ZCWPW2: variants seen among roughly 807,000 people sequenced by gnomAD.
The protein encoded by ZCWPW2 is zinc finger CW-type PWWP domain protein 2.
ZCWPW2 carries 45 observed loss-of-function variants against 46.6 expected under a neutral mutation model. That is an observed-to-expected ratio of 0.96 (90% CI 0.76 to 1.24). ZCWPW2 has a LOEUF of 1.24. ZCWPW2 is among the 50% of genes most tolerant of loss of function. The pLI is 0.00. For missense variants in ZCWPW2, 429 were observed against 403.9 expected (o/e 1.06, Z -0.53); for synonymous variants, 152 against 137.1 (o/e 1.11, Z -0.76).
At chr3:28,417,195 C>A (rs2125744574) in intron 3 of ZCWPW2, among the ~76,000 whole-genome samples, 1 of 151,934 alleles carries the variant, frequency 6.6e-6, no homozygotes, top group East Asian at 1.9e-4. Flanking sequence ...CACCACTGAT[C>A]CCACAGAAAT....
intron 4 of ZCWPW2, among the ~76,000 whole-genome samples, chr3:28,459,263 A>G (rs1698538236): frequency 1.3e-5 from 2 of 152,058 alleles, no homozygotes; most frequent in African/African-American, 4.8e-5. Flanking sequence ...CCAGCTACTC[A>G]GGAGGCTGAG....
chr3:28,430,388 A>G lies in ZCWPW2; in HGVS notation c.333-4722A>G, dbSNP rs534872792. On this transcript the variant is annotated intron_variant, in intron 3 of 9. Coordinates refer to ENST00000383768, the MANE Select transcript of ZCWPW2 (RefSeq NM_001040432.4). Reference sequence around the variant, plus strand: ...TTTCTTATTTGGAATGAGTGTATTTACACAATGCCTTGTACTCACATGGTA... The same window carrying G: ...TTTCTTATTTGGAATGAGTGTATTTGCACAATGCCTTGTACTCACATGGTA... Among the ~76,000 whole-genome samples, 18 of 152,332 alleles carry G rather than the reference A, an allele frequency of 1.2e-4. 1 individual carries two copies. The South Asian group carries it at 3.7e-3, about 32-fold the overall frequency.
chr3:28,426,163 G>A (rs1025993657), intron 3 of ZCWPW2, among the ~76,000 whole-genome samples: 19 of 151,326 alleles, frequency 1.3e-4, no homozygotes, highest in African/African-American at 3.4e-4. Context: ...TTGCCTTTGC[G>A]TTTTACCTTT....
chr3:28,514,017 A>G, intron 6 of ZCWPW2, 47 bp from the exon 7 acceptor site: 1 of 1,424,124 alleles, frequency 7.0e-7, no homozygotes, highest in Non-Finnish European at 9.5e-7. Context: ...TACTGAGCTG[A>G]TTTAGTCCTA....
rs148360791 is a variant in ZCWPW2 at position 28,420,865 on chromosome 3, A to G, written c.332+7465A>G. 2.5e-3 allele frequency among the ~76,000 whole-genome samples: 387 copies of G among 151,940 alleles called. 1 individual carries two copies. Among genetic ancestry groups the G allele is most frequent in the African/African-American group, 8.5e-3 (351 of 41,456 alleles). ...TTCTCTCTGTTGTTCAGATTGGTTTATTCCTATTGTTCTCTTTTTAAGTTC... is the reference window on the plus strand; with the variant it reads ...TTCTCTCTGTTGTTCAGATTGGTTTGTTCCTATTGTTCTCTTTTTAAGTTC... On this transcript the variant is annotated intron_variant, in intron 3 of 9. Coordinates refer to ENST00000383768, the MANE Select transcript of ZCWPW2 (RefSeq NM_001040432.4).
chr3:28,443,430 T>G (rs1697849767), intron 4 of ZCWPW2, among the ~76,000 whole-genome samples: 1 of 151,928 alleles, frequency 6.6e-6, no homozygotes, highest in African/African-American at 2.4e-5. Context: ...ATTGAGGGGG[T>G]GTGGTTCTCT....
chr3:28,404,706 A>G (rs1176448552), intron 2 of ZCWPW2, among the ~76,000 whole-genome samples: 1 of 152,238 alleles, frequency 6.6e-6, no homozygotes, highest in Non-Finnish European at 1.5e-5. Context: ...GCCATTAAAA[A>G]GAATGAATTA....
intron 2 of ZCWPW2, among the ~76,000 whole-genome samples, chr3:28,400,971 A>T (rs1394420731): frequency 6.6e-6 from 1 of 152,150 alleles, no homozygotes. Context: ...CGAGGTCAGG[A>T]GATCAAGACC....
At chr3:28,421,829 ATAGTT>A (rs1298985322) in intron 3 of ZCWPW2, among the ~76,000 whole-genome samples, 2 of 110,502 alleles carry the variant, frequency 1.8e-5, no homozygotes, top group African/African-American at 6.8e-5. Context: ...ATGTTGGAGA[ATAGTT>A]TGTGTGTGTG....
intron 1 of ZCWPW2, among the ~76,000 whole-genome samples, chr3:28,359,528 GA>G (rs1329954779): frequency 6.6e-6 from 1 of 152,040 alleles, no homozygotes; most frequent in Non-Finnish European, 1.5e-5. Context: ...AAGGCCTAGA[GA>G]AAAATATGTA....
chr3:28,392,411 A>G (rs564855031), intron 2 of ZCWPW2, among the ~76,000 whole-genome samples: 35 of 152,340 alleles, frequency 2.3e-4, no homozygotes, highest in African/African-American at 7.7e-4. Flanking sequence ...GAGATCATTC[A>G]GACAGAAATC....
intron 8 of ZCWPW2, among the ~76,000 whole-genome samples, chr3:28,518,029 G>A (rs1575232523): frequency 6.6e-6 from 1 of 151,596 alleles, no homozygotes; most frequent in Non-Finnish European, 1.5e-5. Context: ...CCAGCTACTT[G>A]GGAGGCTGAG....
At chr3:28,424,228 AACAC>A (rs55725925) in intron 3 of ZCWPW2, among the ~76,000 whole-genome samples, 17,116 of 138,806 alleles carry the variant, frequency 0.12, 1,350 homozygotes, top group East Asian at 0.42. Flanking sequence ...GTCTTATTCC[AACAC>A]ACACACACAC....
chr3:28,499,999 T>G (rs917628857), intron 6 of ZCWPW2, among the ~76,000 whole-genome samples: 10 of 152,124 alleles, frequency 6.6e-5, no homozygotes, highest in African/African-American at 2.4e-4. Context: ...CTTTTATTAA[T>G]ATAAAATATG....
At position 28,441,203 on chromosome 3, in the gene ZCWPW2, G is replaced by A. The variant is rs143194323; in HGVS notation, c.492+5934G>A. On this transcript the variant is annotated intron_variant, in intron 4 of 9. Transcript: ENST00000383768. ...CCTTCTTTTCTGGCGTCACCTATTG[G>A]TGAGCACTCACATGGGATACAAATA... 8.5e-5 allele frequency among the ~76,000 whole-genome samples: 13 copies of A among 152,282 alleles called. No individual in the cohort carries two copies. In the East Asian group the frequency reaches 1.7e-3, roughly 20 times the overall value.
intron 4 of ZCWPW2, among the ~76,000 whole-genome samples, chr3:28,443,453 C>A (rs1697850395): frequency 6.6e-6 from 1 of 152,092 alleles, no homozygotes; most frequent in African/African-American, 2.4e-5. Flanking sequence ...TTTTCTAATT[C>A]AAATTAGTCT....
intron 2 of ZCWPW2, among the ~76,000 whole-genome samples, chr3:28,399,083 G>A (rs1228034440): frequency 1.3e-5 from 2 of 152,176 alleles, no homozygotes; most frequent in Non-Finnish European, 2.9e-5. Context: ...AACAGACTTG[G>A]TGATGTTGCT....
intron 4 of ZCWPW2, among the ~76,000 whole-genome samples, chr3:28,443,810 C>T (rs1002110972): frequency 1.3e-5 from 2 of 152,170 alleles, no homozygotes; most frequent in African/African-American, 4.8e-5. Flanking sequence ...ATGCTGCCCT[C>T]ACAAATCTGT....
intron 6 of ZCWPW2, among the ~76,000 whole-genome samples, chr3:28,513,673 A>G (rs762759193): frequency 1.3e-5 from 2 of 151,896 alleles, no homozygotes; most frequent in African/African-American, 2.4e-5. Context: ...GGCCCTCACT[A>G]TGTCAGTTTC....
Sources: allele counts gnomAD v4.1 joint callset (sites outside exome capture counted in the v4.1 genomes callset), GRCh38; gene constraint gnomAD v4.1.1; transcripts MANE v1.5; gene names NCBI Gene and HGNC (gene_info 2026-07-23, HGNC 2026-07-21).